The following USP6 variants were observed in gnomAD, a reference collection of about 807,000 sequenced individuals.
USP6 encodes ubiquitin carboxyl-terminal hydrolase 6.
USP6 carries 128 observed loss-of-function variants against 175.7 expected under a neutral mutation model. The observed-to-expected ratio is 0.73, with a 90% CI of 0.63 to 0.84. The LOEUF (loss-of-function observed/expected upper bound fraction) is 0.84, where lower values mean the gene tolerates loss of function less well. USP6 is among the 40% of genes least tolerant of loss of function. The pLI, the probability that USP6 is intolerant of heterozygous loss-of-function variation, is 0.00. For missense variants in USP6, 1,498 were observed against 1,760.3 expected (o/e 0.85, Z 2.67); for synonymous variants, 562 against 630.6 (o/e 0.89, Z 1.63).
chr17:5,121,355 T>G lies in USP6; in HGVS notation c.-1674-20T>G, dbSNP rs965666282. ...TTCTGAAAATCTCCTGAAACCCCTG[T>G]GGCCCACTCTGCCTTCCAGAGAGAG... On this transcript the variant is annotated intron_variant, in intron 3 of 37. Coordinates refer to ENST00000574788, the MANE Select transcript of USP6 (RefSeq NM_001304284.2). 1.5e-4 allele frequency: 50 copies of G among 342,638 alleles called. No individual in the cohort carries two copies. Among genetic ancestry groups the G allele is most frequent in the Non-Finnish European group, 2.3e-5 (4 of 175,826 alleles). 21.2% of individuals were successfully genotyped at this position (342,638 alleles called of 1,614,324 possible). A position where few individuals can be genotyped will look rare whatever the true frequency, so the allele number is the denominator to read the frequency against.
chr17:5,130,077 C>T lies in USP6; in HGVS notation c.-14C>T, dbSNP rs2073012350. 24 of 418,328 alleles carry T rather than the reference C, an allele frequency of 5.7e-5. No individual in the cohort carries two copies. Among genetic ancestry groups the T allele is most frequent in the South Asian group, 5.5e-4 (23 of 41,964 alleles). 25.9% of individuals were successfully genotyped at this position (418,328 alleles called of 1,614,324 possible). ...CCCTTGGCAGGTGGACACCATTCAA[C>T]CTGCCGGGGCAGGTGTGTGCCCATT... On this transcript the variant is annotated 5_prime_UTR_variant, in exon 9 of 38. Coordinates refer to ENST00000574788, the MANE Select transcript of USP6 (RefSeq NM_001304284.2).
Position 5,173,600 on chromosome 17 carries a change from G to C in USP6, c.*622G>C. The C allele has an allele frequency of 4.6e-6, 1 of 219,674 alleles. No individual in the cohort carries two copies. The highest frequency in any genetic ancestry group is 2.2e-5 in the African/African-American group (1 of 44,676). The allele number at this position is 219,674 out of a possible 1,614,324, so 13.6% of individuals were successfully genotyped here. A position where few individuals can be genotyped will look rare whatever the true frequency, so the allele number is the denominator to read the frequency against. On this transcript the variant is annotated 3_prime_UTR_variant, in exon 38 of 38. Transcript: ENST00000574788. ...ACCAGTCATTGGTGGCAGGGGCATA[G>C]AGTGGTCAGTCTGAAAGGGAGGCTC... is the stretch of plus-strand genomic sequence containing the variant.
intron 9 of USP6, 34 bp downstream of exon 9, chr17:5,130,123 C>G (rs145086139): frequency 1.7e-5 from 9 of 522,328 alleles, no homozygotes; most frequent in South Asian, 6.3e-5. Flanking sequence ...TGGGGACAAC[C>G]GGATTCTCTG....
At chr17:5,155,678 G>T in intron 31 of USP6, 72 bp downstream of exon 31, 2 of 1,475,520 alleles carry the variant, frequency 1.4e-6, no homozygotes, top group South Asian at 2.8e-5. Flanking sequence ...AATTCTACAT[G>T]ACAGATAGGG....
chr17:5,117,452 G>C (rs1276447196), intron 1 of USP6, among the ~76,000 whole-genome samples: 2 of 149,834 alleles, frequency 1.3e-5, no homozygotes, highest in African/African-American at 4.9e-5. Flanking sequence ...GGAGGCAAAG[G>C]TTGCAGTGAG....
intron 19 of USP6, among the ~76,000 whole-genome samples, 156 bp from the exon 20 acceptor site, chr17:5,137,495 T>A (rs865846913): frequency 7.2e-5 from 11 of 152,134 alleles, no homozygotes; most frequent in Non-Finnish European, 1.6e-4. Context: ...CCATGAGAAG[T>A]TGCAAGACCT....
intron 30 of USP6, 83 bp downstream of exon 30, chr17:5,148,850 T>C: frequency 1.3e-6 from 2 of 1,536,816 alleles, no homozygotes. Context: ...GCAACATCAT[T>C]GAATGCATTT....
chr17:5,126,315 GT>G (rs924208183), intron 6 of USP6, among the ~76,000 whole-genome samples: 24 of 152,264 alleles, frequency 1.6e-4, no homozygotes, highest in African/African-American at 5.1e-4. Context: ...AGAGGCGTCG[GT>G]TTTTTATGGA....
chr17:5,117,979 G>C (rs2072571959), intron 1 of USP6, among the ~76,000 whole-genome samples: 1 of 151,142 alleles, frequency 6.6e-6, no homozygotes, highest in Non-Finnish European at 1.5e-5. Flanking sequence ...TGAGGCAGGA[G>C]AATCACTTGA....
intron 31 of USP6, among the ~76,000 whole-genome samples, chr17:5,159,799 C>CA (rs2073967542): frequency 6.6e-6 from 1 of 151,748 alleles, no homozygotes; most frequent in South Asian, 2.1e-4. Context: ...GCTGTCTTTA[C>CA]AAAAAATGTA....
chr17:5,133,456 T>C lies in USP6; in HGVS notation c.290T>C (p.Val97Ala). Reference sequence around the variant, plus strand: ...TTCTGCCCACAGCTCATAGATCGAGTGTACAAGGGAATTCCCATGAACATC... The same window carrying C: ...TTCTGCCCACAGCTCATAGATCGAGCGTACAAGGGAATTCCCATGAACATC... ...YKHSSKLIDR[V>A]YKGIPMNIRG... is the part of the protein sequence containing the mutation. The change falls in exon 14 of 38, where the codon GTG becomes GCG. Residue 97 changes from valine (V) to alanine (A), a missense_variant. Val to Ala is a moderately conservative substitution (Grantham distance 64). This residue lies in a region of USP6 where 281 missense variants were observed against 259.6 expected (regional missense o/e 1.08). Coordinates refer to ENST00000574788, the MANE Select transcript of USP6 (RefSeq NM_001304284.2). 1 of 1,611,398 alleles carries C rather than the reference T, an allele frequency of 6.2e-7. No individual in the cohort carries two copies. The highest frequency in any genetic ancestry group is 1.1e-5 in the South Asian group (1 of 90,968).
intron 32 of USP6, 80 bp downstream of exon 32, chr17:5,161,694 T>G (rs569936810): frequency 2.7e-6 from 4 of 1,488,816 alleles, no homozygotes; most frequent in Non-Finnish European, 3.7e-6. Context: ...TTTCCAATTT[T>G]GAGAAGTAAA....
At chr17:5,153,524 G>A (rs2073819090) in intron 30 of USP6, among the ~76,000 whole-genome samples, 1 of 152,152 alleles carries the variant, frequency 6.6e-6, no homozygotes, top group Non-Finnish European at 1.5e-5. Context: ...GACCTCAGGT[G>A]ATCCACCCAC....
At chr17:5,119,427 C>G (rs1004228839) in intron 2 of USP6, among the ~76,000 whole-genome samples, 4 of 152,178 alleles carry the variant, frequency 2.6e-5, no homozygotes, top group Non-Finnish European at 5.9e-5. Flanking sequence ...AAAATTAACT[C>G]TTTTGTCCTT....
intron 20 of USP6, 30 bp downstream of exon 20, chr17:5,137,780 G>A: frequency 6.2e-7 from 1 of 1,604,490 alleles, no homozygotes; most frequent in Non-Finnish European, 8.5e-7. Flanking sequence ...GTGGGGCCTG[G>A]GGAGCCCTGC....
chr17:5,153,541 C>T (rs775402759), intron 30 of USP6, among the ~76,000 whole-genome samples: 14 of 152,248 alleles, frequency 9.2e-5, no homozygotes, highest in Non-Finnish European at 1.6e-4. Context: ...CCACCTTGGC[C>T]TCCCAAAGTG....
At chr17:5,134,147 G>C in intron 15 of USP6, 151 bp downstream of exon 15, 1 of 789,698 alleles carries the variant, frequency 1.3e-6, no homozygotes, top group Middle Eastern at 3.4e-4. Context: ...ACCATGAACC[G>C]AGCACCTCCC....
At chr17:5,153,171 G>T (rs1026630051) in intron 30 of USP6, among the ~76,000 whole-genome samples, 5 of 152,314 alleles carry the variant, frequency 3.3e-5, no homozygotes, top group Middle Eastern at 3.4e-3. Context: ...TGTGAGGAAG[G>T]GAGAATTTGT....
At chr17:5,137,070 G>T in intron 18 of USP6, 51 bp from the exon 19 acceptor site, 1 of 1,593,168 alleles carries the variant, frequency 6.3e-7, no homozygotes, top group Non-Finnish European at 8.6e-7. Flanking sequence ...GGAAGATGGA[G>T]GTTTTTAGGG....
Sources: gnomAD v4.1 joint callset for allele counts (sites outside exome capture counted in the v4.1 genomes callset) on GRCh38, gnomAD v4.1.1 for gene constraint, gnomAD v4.1.1 regional missense constraint, MANE v1.5 for transcripts, NCBI Gene and HGNC (gene_info 2026-07-23, HGNC 2026-07-21) for gene names.